Variants in SUSD4 observed in about 807,000 individuals in gnomAD.
SUSD4 encodes sushi domain-containing protein 4.
Under a neutral mutation model 50.5 loss-of-function variants are expected in SUSD4, and 41 were observed. The observed-to-expected ratio is 0.81, with a 90% CI of 0.63 to 1.05. The LOEUF is 1.05. SUSD4 is among the 50% of genes least tolerant of loss of function. SUSD4 has a pLI of 0.00. For missense variants in SUSD4, 580 were observed against 634.7 expected (o/e 0.91, Z 0.93); for synonymous variants, 257 against 257.3 (o/e 1.00, Z 0.01).
At chr1:223,276,395 G>C (rs1005975511) in intron 3 of SUSD4, among the ~76,000 whole-genome samples, 1 of 152,216 alleles carries the variant, frequency 6.6e-6, no homozygotes, top group African/African-American at 2.4e-5. Flanking sequence ...AAGACCGCAT[G>C]AGGCAGCTGG....
At chr1:223,353,235 T>C (rs1388392587) in intron 2 of SUSD4, among the ~76,000 whole-genome samples, 2 of 152,096 alleles carry the variant, frequency 1.3e-5, no homozygotes, top group Admixed American at 6.5e-5. Flanking sequence ...CCACACACAA[T>C]GAGTTTTCAC....
At chr1:223,342,753 T>A (rs188700597) in intron 2 of SUSD4, among the ~76,000 whole-genome samples, 1 of 152,224 alleles carries the variant, frequency 6.6e-6, no homozygotes, top group Non-Finnish European at 1.5e-5. Context: ...ATTGACTAAA[T>A]GTTTAAGTAT....
chr1:223,264,420 T>C (rs544753345), intron 5 of SUSD4: 5 of 1,309,802 alleles, frequency 3.8e-6, no homozygotes, highest in Admixed American at 3.5e-5. Flanking sequence ...TGCTCTCCTC[T>C]TTAAGCCTAA....
Position 223,246,098 on chromosome 1 carries a change from C to T in SUSD4, c.725-16710G>A, listed in dbSNP as rs550039653. Among the ~76,000 whole-genome samples the T allele has an allele frequency of 9.9e-5, 15 of 152,158 alleles. No homozygotes were observed. In the East Asian group the frequency reaches 2.7e-3, roughly 27 times the overall value. On this transcript the variant is annotated intron_variant, in intron 5 of 8. Coordinates refer to ENST00000366878, the MANE Select transcript of SUSD4 (RefSeq NM_017982.4). ...TTACAGCCACGGGACTGCACGCACT[C>T]ACATAAGGGGAGAGGGCAGACAGAA...
upstream of SUSD4, among the ~76,000 whole-genome samples, chr1:223,364,456 C>T (rs964589789): frequency 3.2e-4 from 47 of 148,110 alleles, no homozygotes; most frequent in Non-Finnish European, 6.0e-4. The surrounding 1 kb of genome is among the most constrained non-coding windows in gnomAD (Gnocchi z 4.5). Context: ...TGGCCGGAGA[C>T]TGGCGAGGGC....
intron 2 of SUSD4, among the ~76,000 whole-genome samples, chr1:223,343,473 T>C (rs1391352430): frequency 6.6e-6 from 1 of 152,208 alleles, no homozygotes; most frequent in African/African-American, 2.4e-5. Flanking sequence ...TTATAGGGTA[T>C]GCACAAAATA....
chr1:223,343,695 C>T, intron 2 of SUSD4, among the ~76,000 whole-genome samples: 1 of 152,070 alleles, frequency 6.6e-6, no homozygotes, highest in East Asian at 1.9e-4. Flanking sequence ...GTTGCTCATC[C>T]ATATTTTCTA....
intron 5 of SUSD4, among the ~76,000 whole-genome samples, chr1:223,246,385 G>C (rs543700826): frequency 1.2e-3 from 183 of 152,240 alleles, no homozygotes; most frequent in Middle Eastern, 3.4e-3. Flanking sequence ...GGAGTAAAAG[G>C]GGATGGAAAC....
chr1:223,335,488 G>T (rs904799801), intron 2 of SUSD4, among the ~76,000 whole-genome samples: 2 of 152,034 alleles, frequency 1.3e-5, no homozygotes, highest in African/African-American at 4.8e-5. Context: ...TTTCAGTAAT[G>T]CCCAGGAATA....
chr1:223,261,173 C>A (rs965288326), intron 5 of SUSD4, among the ~76,000 whole-genome samples: 1 of 152,172 alleles, frequency 6.6e-6, no homozygotes, highest in Non-Finnish European at 1.5e-5. Flanking sequence ...GGCCACCCAG[C>A]GGGCAGCAGA....
chr1:223,362,251 A>ATT (rs564643121), intron 2 of SUSD4, among the ~76,000 whole-genome samples: 1 of 151,850 alleles, frequency 6.6e-6, no homozygotes, highest in African/African-American at 2.4e-5. Flanking sequence ...TTTTTCACTC[A>ATT]TTTTTTTTCC....
chr1:223,300,388 G>T (rs1329491714), intron 2 of SUSD4, among the ~76,000 whole-genome samples: 2 of 152,154 alleles, frequency 1.3e-5, no homozygotes, highest in African/African-American at 4.8e-5. Context: ...GACACCCTCA[G>T]TTTCTTTATA....
At chr1:223,327,399 T>A (rs1302173373) in intron 2 of SUSD4, among the ~76,000 whole-genome samples, 1 of 152,314 alleles carries the variant, frequency 6.6e-6, no homozygotes, top group East Asian at 1.9e-4. Context: ...ATGACTCAGC[T>A]GATGGGTACA....
chr1:223,329,932 G>A (rs1667086749), intron 2 of SUSD4, among the ~76,000 whole-genome samples: 1 of 152,202 alleles, frequency 6.6e-6, no homozygotes, highest in Non-Finnish European at 1.5e-5. Flanking sequence ...ACAGATGAAT[G>A]AATGGATGGA....
At chr1:223,256,911 G>A (rs1403878552) in intron 5 of SUSD4, among the ~76,000 whole-genome samples, 2 of 152,156 alleles carry the variant, frequency 1.3e-5, no homozygotes, top group Non-Finnish European at 2.9e-5. Context: ...CTTGGGGAAG[G>A]AGCACCGGAG....
intron 5 of SUSD4, among the ~76,000 whole-genome samples, chr1:223,234,494 G>A (rs1660086548): frequency 6.6e-6 from 1 of 152,154 alleles, no homozygotes; most frequent in Non-Finnish European, 1.5e-5. Context: ...TCTAACTCCT[G>A]TAGCATCCAG....
intron 3 of SUSD4, among the ~76,000 whole-genome samples, chr1:223,281,886 C>T (rs1181259281): frequency 1.3e-5 from 2 of 152,164 alleles, no homozygotes; most frequent in Admixed American, 6.5e-5. Flanking sequence ...AAAGCTTATC[C>T]ACCACGATCA....
chr1:223,224,394 G>A (rs1659351641), intron 7 of SUSD4, among the ~76,000 whole-genome samples: 1 of 151,918 alleles, frequency 6.6e-6, no homozygotes, highest in Non-Finnish European at 1.5e-5. Context: ...GTGCCCAGAG[G>A]GACTAGCTGG....
intron 5 of SUSD4, among the ~76,000 whole-genome samples, chr1:223,256,303 A>G (rs1318152890): frequency 1.3e-5 from 2 of 152,194 alleles, no homozygotes; most frequent in Non-Finnish European, 2.9e-5. Flanking sequence ...ACAGCCTAGG[A>G]GTCAGGTCAG....
Sources: gnomAD v4.1 joint callset for allele counts (sites outside exome capture counted in the v4.1 genomes callset) on GRCh38, gnomAD v4.1.1 for gene constraint, Gnocchi (gnomAD v3.1) non-coding constraint, MANE v1.5 for transcripts, NCBI Gene and HGNC (gene_info 2026-07-23, HGNC 2026-07-21) for gene names.